The following DLK1 variants were observed in gnomAD, a reference collection of about 807,000 sequenced individuals.
The protein encoded by DLK1 is protein delta homolog 1.
Under a neutral mutation model 35.2 loss-of-function variants are expected in DLK1, and 9 were observed. That is an observed-to-expected ratio of 0.26 (90% CI 0.15 to 0.45). DLK1 has a LOEUF of 0.45. DLK1 is among the 20% of genes least tolerant of loss of function. The pLI, the probability that DLK1 is intolerant of heterozygous loss-of-function variation, is 1.00. For synonymous variants in DLK1, 231 were observed against 228.4 expected (o/e 1.01, Z -0.10); for missense variants, 522 against 528.5 (o/e 0.99, Z 0.12).
Position 100,734,337 on chromosome 14 carries a change from C to T in DLK1, c.593C>T (p.Ala198Val). The change falls in exon 5 of 5, where the codon GCC becomes GTC. Residue 198 changes from alanine to valine, a missense_variant. Physicochemically the swap from Ala to Val is moderately conservative, Grantham distance 64. Transcript: ENST00000341267. The surrounding 1 kb of genome is among the most constrained non-coding windows in gnomAD (Gnocchi z 7.4). ...IGGDFRCRCP[A>V]GFIDKTCSRP... is the part of the protein sequence containing the mutation. The stretch of plus-strand genomic sequence containing the variant: ...GGCGACTTCCGCTGCCGGTGCCCAG[C>T]CGGCTTCATCGACAAGACCTGCAGC... 6.2e-7 allele frequency: 1 copy of T among 1,612,950 alleles called. No individual in the cohort carries two copies. Among genetic ancestry groups the T allele is most frequent in the Non-Finnish European group, 8.5e-7 (1 of 1,179,864 alleles).
rs529055197 is a variant in DLK1, at chr14:100,733,109, G to A, written c.404+926G>A. ...ATCAGTCTTCAGACGGGGTCAGAGT[G>A]GGGGCTGGTGAAGACTGAACTCCAT... On this transcript the variant is annotated intron_variant, in intron 4 of 4. Transcript: ENST00000341267. Among the ~76,000 whole-genome samples, 249 of 152,336 alleles carry A rather than the reference G, an allele frequency of 1.6e-3. 1 individual carries two copies. The highest frequency in any genetic ancestry group is 5.4e-3 in the African/African-American group (225 of 41,574).
At chr14:100,732,516 C>T (rs912244028) in intron 4 of DLK1, among the ~76,000 whole-genome samples, 6 of 152,140 alleles carry the variant, frequency 3.9e-5, no homozygotes, top group South Asian at 2.1e-4. Context: ...TGGAGCTCCG[C>T]GGGGCTGAGG....
rs1033392646 is a variant in DLK1 at position 100,737,859 on chromosome 14, C to G, written c.*2963C>G. The G allele has an allele frequency of 6.6e-6, 1 of 152,264 alleles. No individual in the cohort carries two copies. The highest frequency in any genetic ancestry group is 6.5e-5 in the Admixed American group (1 of 15,286). The allele number at this position is 152,264 out of a possible 1,614,324, so 9.4% of individuals were successfully genotyped here. On this transcript the variant is annotated 3_prime_UTR_variant, in exon 5 of 5. Transcript: ENST00000341267. The stretch of plus-strand genomic sequence containing the variant: ...AGTGCCCACCACTCGCACTACCCCC[C>G]CCGTGCCACAGAAGCAGTGTCAGCA...
intron 4 of DLK1, 124 bp downstream of exon 4, chr14:100,732,307 CAG>C: frequency 6.9e-7 from 1 of 1,448,042 alleles, no homozygotes; most frequent in South Asian, 1.4e-5. Flanking sequence ...CTCATCCTGG[CAG>C]CCCCGTAGGG....
Position 100,734,877 on chromosome 14 carries a change from C to T in DLK1, c.1133C>T (p.Ala378Val). 6.3e-7 allele frequency: 1 copy of T among 1,593,834 alleles called. No homozygotes were observed. Among genetic ancestry groups the T allele is most frequent in the Non-Finnish European group, 8.5e-7 (1 of 1,171,972 alleles). The change falls in exon 5 of 5, where the codon GCC becomes GTC. Residue 378 changes from alanine (A) to valine (V), a missense_variant. Physicochemically the swap from Ala to Val is moderately conservative, Grantham distance 64 (BLOSUM62 0). Transcript: ENST00000341267. The surrounding 1 kb of genome is among the most constrained non-coding windows in gnomAD (Gnocchi z 7.4). ...GACATGACCACCTTCAGCAAGGAGG[C>T]CGGCGACGAGGAGATCTAAGCAGCG... is the stretch of plus-strand genomic sequence containing the variant. Reference protein sequence around the residue: ...KIDMTTFSKEAGDEEI With the variant: ...KIDMTTFSKEVGDEEI
chr14:100,730,060 G>A (rs1481329432), intron 3 of DLK1, among the ~76,000 whole-genome samples: 1 of 152,212 alleles, frequency 6.6e-6, no homozygotes, highest in Non-Finnish European at 1.5e-5. Flanking sequence ...AGAGCATTTT[G>A]TTGTGGCCCC....
rs751601822 is a variant in DLK1 at position 100,728,987 on chromosome 14, C to T, written c.183C>T (p.Pro61=). 1.9e-5 allele frequency: 30 copies of T among 1,614,004 alleles called. No individual in the cohort carries two copies. The highest frequency in any genetic ancestry group is 2.7e-5 in the African/African-American group (2 of 74,936). ...GPLCDQCVTS[P]GCLHGLCGEP... is the part of the protein sequence containing the mutation. ...TTTGTGACCAGTGCGTGACCTCTCC[C>T]GGCTGCCTTCACGGACTCTGTGGAG... is the stretch of plus-strand genomic sequence containing the variant. The change falls in exon 3 of 5, where the codon CCC becomes CCT. Residue 61 remains proline, a synonymous_variant. Coordinates refer to ENST00000341267, the MANE Select transcript of DLK1 (RefSeq NM_003836.7).
Position 100,729,005 on chromosome 14 carries a change from C to T in DLK1, c.201C>T (p.Leu67=), listed in dbSNP as rs372057089. The change falls in exon 3 of 5, where the codon CTC becomes CTT. Residue 67 remains leucine (L), a synonymous_variant. Transcript: ENST00000341267. ...CCTCTCCCGGCTGCCTTCACGGACT[C>T]TGTGGAGAACCCGGGCAGTGCATTT... ...CVTSPGCLHG[L]CGEPGQCICT... 8.6e-5 allele frequency: 139 copies of T among 1,613,986 alleles called. No homozygotes were observed. The highest frequency in any genetic ancestry group is 1.1e-4 in the Non-Finnish European group (132 of 1,180,048).
At chr14:100,727,282 C>T in intron 1 of DLK1, 147 bp downstream of exon 1, 1 of 856,844 alleles carries the variant, frequency 1.2e-6, no homozygotes, top group Non-Finnish European at 1.6e-6. Context: ...GCCTGTCTCG[C>T]CCTACCCACC....
At position 100,734,899 on chromosome 14, in the gene DLK1, A is replaced by G; in HGVS notation, c.*3A>G. 2 of 1,570,866 alleles carry G rather than the reference A, an allele frequency of 1.3e-6. No individual in the cohort carries two copies. Among genetic ancestry groups the G allele is most frequent in the South Asian group, 1.2e-5 (1 of 85,706 alleles). On this transcript the variant is annotated 3_prime_UTR_variant, in exon 5 of 5. Coordinates refer to ENST00000341267, the MANE Select transcript of DLK1 (RefSeq NM_003836.7). The surrounding 1 kb of genome is among the most constrained non-coding windows in gnomAD (Gnocchi z 7.4). ...AGGCCGGCGACGAGGAGATCTAAGC[A>G]GCGTTCCCACAGCCCCCTCTAGATT...
chr14:100,727,119 C>G lies in DLK1; in HGVS notation c.51C>G (p.Phe17Leu), dbSNP rs757078608. 2.5e-6 allele frequency: 4 copies of G among 1,594,826 alleles called. No homozygotes were observed. The South Asian group carries it at 3.4e-5, about 13-fold the overall frequency. Residue 17 changes from phenylalanine (F) to leucine (L), a missense_variant, in exon 1 of 5, where the codon TTC becomes TTG. By Grantham distance (22) the Phe-to-Leu change is conservative. Coordinates refer to ENST00000341267, the MANE Select transcript of DLK1 (RefSeq NM_003836.7). ...LLRVLLLLLA[F>L]GHSTYGAECF... ...GCGTCCTCTTGCTCCTGCTGGCTTTCGGCCACAGCACCTATGGTGAGTTCC... is the reference window on the plus strand; with the variant it reads ...GCGTCCTCTTGCTCCTGCTGGCTTTGGGCCACAGCACCTATGGTGAGTTCC...
chr14:100,728,557 C>A, intron 2 of DLK1, 98 bp downstream of exon 2: 2 of 1,308,328 alleles, frequency 1.5e-6, no homozygotes, highest in Admixed American at 1.8e-5. Context: ...TTGGCCACTA[C>A]GCTGCAGCAA....
In DLK1 at chr14:100,728,923, C is replaced by T; in HGVS notation, c.132-13C>T. On this transcript the variant is annotated splice_polypyrimidine_tract_variant and intron_variant, in intron 2 of 4. Transcript: ENST00000341267. ...CTTCATATGTCCCCACCTTTCTCCC[C>T]CACCCATTGCAGGTGCCAGCCTGGC... The T allele has an allele frequency of 6.2e-7, 1 of 1,613,162 alleles. No homozygotes were observed. Among genetic ancestry groups the T allele is most frequent in the Non-Finnish European group, 8.5e-7 (1 of 1,179,564 alleles).
chr14:100,734,630 A>G lies in DLK1; in HGVS notation c.886A>G (p.Thr296Ala), dbSNP rs766642557. Residue 296 changes from threonine to alanine, a missense_variant, in exon 5 of 5, where the codon ACC becomes GCC. Transcript: ENST00000341267. This position sits in a 1 kb window ranked among gnomAD's most constrained non-coding sequence, Gnocchi z 7.4. ...GTCCATGAAAGAGCTCAACAAGAAAACCCCTCTCCTCACCGAGGGCCAGGC... is the reference window on the plus strand; with the variant it reads ...GTCCATGAAAGAGCTCAACAAGAAAGCCCCTCTCCTCACCGAGGGCCAGGC... ...KVSMKELNKK[T>A]PLLTEGQAIC... 1 of 1,612,924 alleles carries G rather than the reference A, an allele frequency of 6.2e-7. No homozygotes were observed. Among genetic ancestry groups the G allele is most frequent in the African/African-American group, 1.3e-5 (1 of 74,606 alleles).
chr14:100,727,603 G>T (rs1243770938), intron 1 of DLK1, among the ~76,000 whole-genome samples: 1 of 152,168 alleles, frequency 6.6e-6, no homozygotes. Context: ...TTCTGTAGGT[G>T]AGGGGCTGCG....
intron 3 of DLK1, among the ~76,000 whole-genome samples, chr14:100,729,547 T>G (rs1225221612): frequency 7.3e-6 from 1 of 136,212 alleles, no homozygotes; most frequent in Non-Finnish European, 1.6e-5. Flanking sequence ...GAGGGGCAGG[T>G]GCTGAGTCAG....
At chr14:100,733,992 G>C (rs1015722274) in intron 4 of DLK1, among the ~76,000 whole-genome samples, 157 bp from the exon 5 acceptor site, 1 of 138,778 alleles carries the variant, frequency 7.2e-6, no homozygotes, top group Non-Finnish European at 1.5e-5. Flanking sequence ...GTGCCTCCCT[G>C]GCTGGCGTTC....
chr14:100,728,622 G>A (rs1266683357), intron 2 of DLK1, 163 bp downstream of exon 2: 2 of 225,864 alleles, frequency 8.9e-6, no homozygotes, highest in South Asian at 5.2e-5. Context: ...AGATGGGGGG[G>A]GCGGGGGGGG....
At chr14:100,729,407 T>C (rs1203516483) in intron 3 of DLK1, among the ~76,000 whole-genome samples, 1 of 152,096 alleles carries the variant, frequency 6.6e-6, no homozygotes, top group Non-Finnish European at 1.5e-5. Flanking sequence ...GTCCAGGTCA[T>C]GGAAGCCCAG....
Sources: gnomAD v4.1 joint callset for allele counts (sites outside exome capture counted in the v4.1 genomes callset) on GRCh38, gnomAD v4.1.1 for gene constraint, Gnocchi (gnomAD v3.1) non-coding constraint, MANE v1.5 for transcripts, NCBI Gene and HGNC (gene_info 2026-07-23, HGNC 2026-07-21) for gene names.